Variants in DMGDH observed in about 807,000 individuals in gnomAD.
The protein encoded by DMGDH is dimethylglycine dehydrogenase, mitochondrial.
DMGDH carries 76 observed loss-of-function variants against 95.2 expected under a neutral mutation model. The observed-to-expected ratio is 0.80, with a 90% confidence interval of 0.66 to 0.97. The LOEUF is 0.97. DMGDH is among the 50% of genes least tolerant of loss of function. DMGDH has a pLI of 0.00. For synonymous variants in DMGDH, 345 were observed against 377.6 expected (o/e 0.91, Z 1.00); for missense variants, 987 against 1,055.0 (o/e 0.94, Z 0.89).
At chr5:79,021,682 C>G in intron 14 of DMGDH, 1 of 1,304,096 alleles carries the variant, frequency 7.7e-7, no homozygotes, top group South Asian at 1.2e-5. Context: ...TATTCTGATC[C>G]TATCATAAAA....
At chr5:79,007,670 G>T (rs567051029) in intron 14 of DMGDH, among the ~76,000 whole-genome samples, 2 of 152,260 alleles carry the variant, frequency 1.3e-5, no homozygotes, top group Admixed American at 6.5e-5. Flanking sequence ...CTTACACGGT[G>T]TGATTTATGG....
chr5:79,051,912 G>A (rs1754877561), intron 4 of DMGDH, among the ~76,000 whole-genome samples: 1 of 152,148 alleles, frequency 6.6e-6, no homozygotes, highest in Non-Finnish European at 1.5e-5. Flanking sequence ...GTACTGTGGG[G>A]AAAACAAAGA....
intron 7 of DMGDH, among the ~76,000 whole-genome samples, chr5:79,039,699 A>G (rs772354086): frequency 4.5e-4 from 69 of 151,986 alleles, no homozygotes; most frequent in Non-Finnish European, 6.3e-4. Context: ...CTAAAACTTA[A>G]AGTATAATAA....
chr5:78,998,007 C>T lies in DMGDH; in HGVS notation c.*75G>A, dbSNP rs1753389267. The T allele has an allele frequency of 1.3e-6, 2 of 1,488,110 alleles. No homozygotes were observed. Among genetic ancestry groups the T allele is most frequent in the Middle Eastern group, 1.7e-4 (1 of 5,804 alleles). 92.2% of individuals were successfully genotyped at this position (1,488,110 alleles called of 1,614,324 possible). On this transcript the variant is annotated 3_prime_UTR_variant, in exon 16 of 16. Coordinates refer to ENST00000255189, the MANE Select transcript of DMGDH (RefSeq NM_013391.3). ...ATGAATTCCTGGTTTCCTCTATTCCCCTGGGAGCCAGTTATAATAATTTCA... is the reference window on the plus strand; with the variant it reads ...ATGAATTCCTGGTTTCCTCTATTCCTCTGGGAGCCAGTTATAATAATTTCA...
chr5:79,069,644 A>G lies in DMGDH; in HGVS notation c.-24T>C, dbSNP rs555715126. 1.1e-5 allele frequency: 15 copies of G among 1,339,564 alleles called. No homozygotes were observed. The African/African-American group carries it at 2.0e-4, about 18-fold the overall frequency. 83.0% of individuals were successfully genotyped at this position (1,339,564 alleles called of 1,614,324 possible). On this transcript the variant is annotated 5_prime_UTR_variant, in exon 1 of 16. Coordinates refer to ENST00000255189, the MANE Select transcript of DMGDH (RefSeq NM_013391.3). ...ATGACTAGGCCGAGGCCGAGGGCGC[A>G]GGCGCCTGCTCCGAGGCCAGCGGGC...
intron 15 of DMGDH, among the ~76,000 whole-genome samples, chr5:78,999,117 C>T (rs1411419070): frequency 6.6e-6 from 1 of 152,182 alleles, no homozygotes; most frequent in Non-Finnish European, 1.5e-5. Context: ...ACAGCTGGAG[C>T]TCAAGACATT....
At chr5:79,037,165 T>C (rs1030128826) in intron 7 of DMGDH, among the ~76,000 whole-genome samples, 1 of 152,092 alleles carries the variant, frequency 6.6e-6, no homozygotes, top group Admixed American at 6.5e-5. Context: ...AGAAAGTAAA[T>C]TTCTGTTGTT....
chr5:79,023,515 C>T (rs1753916762), intron 14 of DMGDH, among the ~76,000 whole-genome samples: 1 of 152,132 alleles, frequency 6.6e-6, no homozygotes, highest in Non-Finnish European at 1.5e-5. Context: ...ATCAGAATCC[C>T]CTGCAGGGGT....
At chr5:79,067,369 T>C (rs1007510248) in intron 1 of DMGDH, among the ~76,000 whole-genome samples, 14 of 152,254 alleles carry the variant, frequency 9.2e-5, no homozygotes, top group African/African-American at 2.4e-4. Context: ...GAAACCATTA[T>C]AGTGGTGACA....
chr5:79,036,196 G>A (rs1754343234), intron 7 of DMGDH, among the ~76,000 whole-genome samples: 1 of 152,198 alleles, frequency 6.6e-6, no homozygotes, highest in Admixed American at 6.5e-5. Context: ...AGGAATACAT[G>A]GTGGCTATTG....
chr5:79,042,227 A>G, intron 7 of DMGDH, 56 bp downstream of exon 7: 1 of 1,523,074 alleles, frequency 6.6e-7, no homozygotes, highest in Non-Finnish European at 9.1e-7. Flanking sequence ...ATGGAACTAG[A>G]TTTAGCTAAA....
chr5:79,040,340 C>A (rs898514411), intron 7 of DMGDH, among the ~76,000 whole-genome samples: 1 of 152,150 alleles, frequency 6.6e-6, no homozygotes, highest in Non-Finnish European at 1.5e-5. Flanking sequence ...ATTACAGATG[C>A]CAGCATAATT....
chr5:79,056,623 G>A (rs1755037869), intron 2 of DMGDH, among the ~76,000 whole-genome samples: 1 of 149,830 alleles, frequency 6.7e-6, no homozygotes, highest in African/African-American at 2.5e-5. Context: ...GGAGGCCGAG[G>A]TGGGTGGATT....
rs758123134 is a variant in DMGDH, at chr5:79,032,849, GA to G, written c.1364-10del. On this transcript the variant is annotated splice_polypyrimidine_tract_variant and intron_variant, in intron 8 of 15. Coordinates refer to ENST00000255189, the MANE Select transcript of DMGDH (RefSeq NM_013391.3). ...TTCTTTAGGATAACCAACTGAAAAG[GA>G]AAAATTGGTACTTTAAATCACATAT... is the stretch of plus-strand genomic sequence containing the variant. 6.2e-7 allele frequency: 1 copy of G among 1,613,916 alleles called. No homozygotes were observed. The highest frequency in any genetic ancestry group is 1.1e-5 in the South Asian group (1 of 91,068).
intron 15 of DMGDH, 21 bp from the exon 16 acceptor site, chr5:78,998,318 G>A: frequency 1.2e-6 from 2 of 1,602,916 alleles, no homozygotes; most frequent in Middle Eastern, 1.7e-4. Context: ...AGACCCAACA[G>A]TCCTCAGCAT....
chr5:79,012,909 T>G (rs1055176096), intron 14 of DMGDH, among the ~76,000 whole-genome samples: 6 of 152,172 alleles, frequency 3.9e-5, no homozygotes, highest in African/African-American at 1.2e-4. Context: ...ATGATAGGGA[T>G]TGTTGTGAAG....
At chr5:79,027,164 T>C (rs1580197103) in intron 12 of DMGDH, among the ~76,000 whole-genome samples, 1 of 152,118 alleles carries the variant, frequency 6.6e-6, no homozygotes, top group Admixed American at 6.6e-5. Context: ...ATCCTGCTTA[T>C]TTTTGTGTTC....
intron 3 of DMGDH, 77 bp downstream of exon 3, chr5:79,055,733 G>T: frequency 1.1e-6 from 1 of 914,936 alleles, no homozygotes; most frequent in Non-Finnish European, 1.8e-6. Flanking sequence ...ACACAATGAT[G>T]CATCAAAATC....
chr5:79,002,114 G>GTC (rs1453964069), intron 15 of DMGDH, among the ~76,000 whole-genome samples: 2 of 152,178 alleles, frequency 1.3e-5, no homozygotes, highest in Non-Finnish European at 2.9e-5. Flanking sequence ...ATTATGAGAA[G>GTC]TCTCTATCTG....
Sources: allele counts gnomAD v4.1 joint callset (sites outside exome capture counted in the v4.1 genomes callset), GRCh38; gene constraint gnomAD v4.1.1; transcripts MANE v1.5; gene names NCBI Gene and HGNC (gene_info 2026-07-23, HGNC 2026-07-21).